KCNB2: variants seen among roughly 807,000 people sequenced by gnomAD.
KCNB2 encodes delayed rectifier potassium channel protein.
A neutral mutation model predicts 61.5 loss-of-function variants in KCNB2; 15 were observed. The observed-to-expected ratio is 0.24, with a 90% confidence interval of 0.16 to 0.38. The LOEUF (loss-of-function observed/expected upper bound fraction) is 0.38. KCNB2 is among the 10% of genes least tolerant of loss of function. The pLI, the probability that KCNB2 is intolerant of heterozygous loss-of-function variation, is 1.00. For missense variants in KCNB2, 828 were observed against 1,125.2 expected (o/e 0.74, Z 3.78); for synonymous variants, 457 against 446.0 (o/e 1.02, Z -0.31).
chr8:72,614,540 C>T (rs1401320560), intron 2 of KCNB2, among the ~76,000 whole-genome samples: 1 of 152,142 alleles, frequency 6.6e-6, no homozygotes. Flanking sequence ...GGGGATTGAG[C>T]GCAGCAGCAT....
intron 2 of KCNB2, among the ~76,000 whole-genome samples, chr8:72,889,541 A>G (rs1805861954): frequency 6.6e-6 from 1 of 151,928 alleles, no homozygotes; most frequent in African/African-American, 2.4e-5. Context: ...TAAAAATTTC[A>G]CCAGGCATGG....
At chr8:72,591,802 G>C (rs1807104001) in intron 2 of KCNB2, among the ~76,000 whole-genome samples, 1 of 151,948 alleles carries the variant, frequency 6.6e-6, no homozygotes, top group Non-Finnish European at 1.5e-5. Context: ...GGTCCTAGTA[G>C]ACATTCAATG....
chr8:72,634,528 G>T (rs955282190), intron 2 of KCNB2, among the ~76,000 whole-genome samples: 34 of 152,126 alleles, frequency 2.2e-4, no homozygotes, highest in African/African-American at 8.0e-4. Flanking sequence ...TTCCCAAAGG[G>T]TTATTTTTTT....
chr8:72,705,589 T>C (rs1000568904), intron 2 of KCNB2, among the ~76,000 whole-genome samples: 1 of 152,210 alleles, frequency 6.6e-6, no homozygotes, highest in Non-Finnish European at 1.5e-5. Flanking sequence ...GGGAGGTGTT[T>C]TTCCAACCTG....
chr8:72,886,106 A>T lies in KCNB2; in HGVS notation c.580-49829A>T, dbSNP rs1256943179. Among the ~76,000 whole-genome samples, 3 of 152,242 alleles carry T rather than the reference A, an allele frequency of 2.0e-5. No individual in the cohort carries two copies. In the South Asian group the frequency reaches 6.2e-4, roughly 31 times the overall value. ...ATTGTTCAACTTTATATATTTAAAG[A>T]TGATGTTTAGATCAAACTCAGTTTA... On this transcript the variant is annotated intron_variant, in intron 2 of 2. Coordinates refer to ENST00000523207, the MANE Select transcript of KCNB2 (RefSeq NM_004770.3).
intron 2 of KCNB2, among the ~76,000 whole-genome samples, chr8:72,817,852 C>T (rs1809427730): frequency 6.6e-6 from 1 of 152,092 alleles, no homozygotes; most frequent in African/African-American, 2.4e-5. Context: ...TGTTTTTATG[C>T]TCATTCTCAG....
At chr8:72,609,031 G>T (rs983746011) in intron 2 of KCNB2, among the ~76,000 whole-genome samples, 1 of 152,180 alleles carries the variant, frequency 6.6e-6, no homozygotes, top group Non-Finnish European at 1.5e-5. Flanking sequence ...TGATGTAGTG[G>T]GGAGTAGAAT....
In KCNB2 at chr8:72,762,928, A is replaced by G. The variant is rs539590702; in HGVS notation, c.580-173007A>G. Reference sequence around the variant, plus strand: ...ATAGTGTGCAAATACTCATAAACATACATACATACAATAAGTGAATTTTTC... The same window carrying G: ...ATAGTGTGCAAATACTCATAAACATGCATACATACAATAAGTGAATTTTTC... On this transcript the variant is annotated intron_variant, in intron 2 of 2. Transcript: ENST00000523207. 2.0e-5 allele frequency among the ~76,000 whole-genome samples: 3 copies of G among 149,224 alleles called. No individual in the cohort carries two copies. In the East Asian group the frequency reaches 5.9e-4, roughly 29 times the overall value.
intron 2 of KCNB2, among the ~76,000 whole-genome samples, chr8:72,585,703 T>TG (rs2128980948): frequency 6.6e-6 from 1 of 152,202 alleles, no homozygotes; most frequent in South Asian, 2.1e-4. Context: ...ATATCAATGA[T>TG]GGAAAAAAGA....
chr8:72,547,370 G>A (rs1033768568), intron 1 of KCNB2, among the ~76,000 whole-genome samples: 1 of 152,014 alleles, frequency 6.6e-6, no homozygotes, highest in African/African-American at 2.4e-5. Context: ...CTTTTATAAG[G>A]CTATACCTGC....
At chr8:72,724,357 C>G (rs1366242202) in intron 2 of KCNB2, among the ~76,000 whole-genome samples, 5 of 152,078 alleles carry the variant, frequency 3.3e-5, no homozygotes. Flanking sequence ...AAATGGAGGA[C>G]AAAGAATGTA....
intron 2 of KCNB2, among the ~76,000 whole-genome samples, chr8:72,901,203 G>A (rs1469889818): frequency 3.3e-5 from 5 of 152,156 alleles, no homozygotes; most frequent in Non-Finnish European, 7.3e-5. Flanking sequence ...GGGATCCAGT[G>A]GGAGGCATAG....
chr8:72,666,001 G>A (rs962067665), intron 2 of KCNB2, among the ~76,000 whole-genome samples: 4 of 151,976 alleles, frequency 2.6e-5, no homozygotes, highest in African/African-American at 9.7e-5. Flanking sequence ...ACAGGGTTTA[G>A]CGTCCCTTCT....
intron 2 of KCNB2, among the ~76,000 whole-genome samples, chr8:72,693,766 A>G (rs2043819404): frequency 6.6e-6 from 1 of 152,200 alleles, no homozygotes. Context: ...AGAAAGAGAA[A>G]GAACCAGGGA....
At chr8:72,910,423 A>G (rs1213480182) in intron 2 of KCNB2, among the ~76,000 whole-genome samples, 1 of 152,180 alleles carries the variant, frequency 6.6e-6, no homozygotes, top group African/African-American at 2.4e-5. Flanking sequence ...CCACTGGAGG[A>G]AATGGTGATA....
At chr8:72,734,451 C>T (rs1807803351) in intron 2 of KCNB2, among the ~76,000 whole-genome samples, 1 of 152,194 alleles carries the variant, frequency 6.6e-6, no homozygotes, top group African/African-American at 2.4e-5. Context: ...GGGAGGACAT[C>T]TGTGTCATTT....
At chr8:72,592,524 C>T (rs1807116939) in intron 2 of KCNB2, among the ~76,000 whole-genome samples, 2 of 151,542 alleles carry the variant, frequency 1.3e-5, no homozygotes, top group African/African-American at 4.8e-5. Flanking sequence ...ATTATGTTGT[C>T]TTTGGGGCTG....
intron 1 of KCNB2, among the ~76,000 whole-genome samples, chr8:72,561,612 C>A (rs1264436641): frequency 6.9e-6 from 1 of 144,556 alleles, no homozygotes; most frequent in African/African-American, 2.5e-5. Context: ...TTAAATATTT[C>A]TGACCAGGTT....
At chr8:72,669,018 A>T (rs1463287240) in intron 2 of KCNB2, among the ~76,000 whole-genome samples, 1 of 152,104 alleles carries the variant, frequency 6.6e-6, no homozygotes, top group Non-Finnish European at 1.5e-5. Context: ...TTGGCATTCA[A>T]AGGTAAGGAT....
Sources: allele counts gnomAD v4.1 joint callset (sites outside exome capture counted in the v4.1 genomes callset), GRCh38; gene constraint gnomAD v4.1.1; transcripts MANE v1.5; gene names NCBI Gene and HGNC (gene_info 2026-07-23, HGNC 2026-07-21).